The following PTAR1 variants were observed in gnomAD, a reference collection of about 807,000 sequenced individuals.
PTAR1 encodes the protein protein prenyltransferase alpha subunit repeat containing 1, also known as protein prenyltransferase alpha subunit repeat-containing protein 1.
Under a neutral mutation model 45.5 loss-of-function variants are expected in PTAR1, and 17 were observed. That is an observed-to-expected ratio of 0.37 (90% confidence interval 0.26 to 0.56). The LOEUF is 0.56. Ranked by LOEUF, PTAR1 falls within the 20% of genes least tolerant of loss-of-function variation. PTAR1 has a pLI of 0.77. For synonymous variants in PTAR1, 169 were observed against 171.3 expected (o/e 0.99, Z 0.11); for missense variants, 391 against 476.3 (o/e 0.82, Z 1.67).
At chr9:69,754,569 C>A (rs994749201) in intron 1 of PTAR1, among the ~76,000 whole-genome samples, 2 of 99,492 alleles carry the variant, frequency 2.0e-5, no homozygotes, top group South Asian at 3.4e-4. Context: ...GAGACAGGAT[C>A]TTGCTCTGTC....
intron 3 of PTAR1, among the ~76,000 whole-genome samples, chr9:69,738,493 T>C (rs551534017): frequency 5.6e-4 from 86 of 152,332 alleles, no homozygotes; most frequent in Admixed American, 1.6e-3. Context: ...ATTCATTCAT[T>C]TCAGTGGGCT....
chr9:69,740,831 A>G (rs1826013678), intron 3 of PTAR1, among the ~76,000 whole-genome samples: 1 of 152,216 alleles, frequency 6.6e-6, no homozygotes, highest in Admixed American at 6.5e-5. Context: ...ATGATTTAAA[A>G]TGTTCTAACA....
At chr9:69,738,901 A>G (rs2134130181) in intron 3 of PTAR1, among the ~76,000 whole-genome samples, 1 of 148,150 alleles carries the variant, frequency 6.7e-6, no homozygotes, top group South Asian at 2.1e-4. Context: ...TCCGCCTCCC[A>G]GGTTCAAGCG....
At chr9:69,752,285 T>C (rs1826567249) in intron 1 of PTAR1, among the ~76,000 whole-genome samples, 1 of 152,078 alleles carries the variant, frequency 6.6e-6, no homozygotes, top group Admixed American at 6.6e-5. Context: ...AGAAACACCC[T>C]GTCTTTTTGT....
chr9:69,721,329 T>C (rs932802587), intron 6 of PTAR1, among the ~76,000 whole-genome samples: 2 of 152,136 alleles, frequency 1.3e-5, no homozygotes, highest in Non-Finnish European at 2.9e-5. Flanking sequence ...GGCGTGAAGA[T>C]GTGACTGAAT....
chr9:69,741,979 C>G (rs771812645), intron 2 of PTAR1, 121 bp from the exon 3 acceptor site: 7 of 638,486 alleles, frequency 1.1e-5, no homozygotes, highest in South Asian at 5.9e-5. Flanking sequence ...TCATGTCATA[C>G]TAACTTTAAT....
In PTAR1 at chr9:69,710,410, A is replaced by G. The variant is rs1824481585; in HGVS notation, c.*7932T>C. 6.6e-6 allele frequency: 1 copy of G among 152,132 alleles called. No homozygotes were observed. 9.4% of individuals were successfully genotyped at this position (152,132 alleles called of 1,614,324 possible). ...TTTAATATGGCTACTAGAAAATTAA[A>G]AATTATGTTGTGGTTCACATTATAT... On this transcript the variant is annotated 3_prime_UTR_variant, in exon 8 of 8. Coordinates refer to ENST00000340434, the MANE Select transcript of PTAR1 (RefSeq NM_001099666.2).
At position 69,718,691 on chromosome 9, in the gene PTAR1, T is replaced by C. The variant is rs375428307; in HGVS notation, c.948-7A>G. The C allele has an allele frequency of 2.6e-6, 4 of 1,544,890 alleles. No individual in the cohort carries two copies. Among genetic ancestry groups the C allele is most frequent in the Non-Finnish European group, 2.6e-6 (3 of 1,144,302 alleles). ...AAGGTAGAAAATATGCCGCCTGCGA[T>C]AGAGAGGGGAAGGAAGAGAATAAAG... On this transcript the variant is annotated splice_region_variant and splice_polypyrimidine_tract_variant and intron_variant, in intron 6 of 7. Coordinates refer to ENST00000340434, the MANE Select transcript of PTAR1 (RefSeq NM_001099666.2).
rs891030526 is a variant in PTAR1 at position 69,712,004 on chromosome 9, C to T, written c.*6338G>A. On this transcript the variant is annotated 3_prime_UTR_variant, in exon 8 of 8. Transcript: ENST00000340434. The stretch of plus-strand genomic sequence containing the variant: ...TCTTTAACTAATAAGAAAAAAATAC[C>T]TGCTCCAAATGCAAGATGATATTTG... 2.0e-5 allele frequency: 3 copies of T among 152,028 alleles called. No individual in the cohort carries two copies. Among genetic ancestry groups the T allele is most frequent in the Admixed American group, 2.0e-4 (3 of 15,234 alleles). The allele number at this position is 152,028 out of a possible 1,614,324, so 9.4% of individuals were successfully genotyped here.
intron 5 of PTAR1, among the ~76,000 whole-genome samples, chr9:69,725,488 G>C (rs989400950): frequency 2.0e-5 from 3 of 151,994 alleles, no homozygotes; most frequent in Non-Finnish European, 2.9e-5. Flanking sequence ...TACTTGGGAG[G>C]CTGAGGCAGG....
At chr9:69,734,371 A>T (rs1205245412) in intron 3 of PTAR1, 117 bp from the exon 4 acceptor site, 2 of 513,384 alleles carry the variant, frequency 3.9e-6, no homozygotes, top group Non-Finnish European at 6.5e-6. Context: ...AAGAATTTTA[A>T]AACAAAAAAA....
chr9:69,722,139 G>C (rs1825039011), intron 6 of PTAR1, among the ~76,000 whole-genome samples: 1 of 152,118 alleles, frequency 6.6e-6, no homozygotes, highest in African/African-American at 2.4e-5. Flanking sequence ...CAGCTGACCA[G>C]GTCTCCTCAA....
intron 3 of PTAR1, among the ~76,000 whole-genome samples, chr9:69,740,071 T>TCAGC (rs1437946411): frequency 6.6e-6 from 1 of 152,184 alleles, no homozygotes; most frequent in Non-Finnish European, 1.5e-5. Context: ...ATACTCAAAG[T>TCAGC]CAGCCGCTAG....
At chr9:69,736,639 T>C (rs531148273) in intron 3 of PTAR1, among the ~76,000 whole-genome samples, 3 of 152,358 alleles carry the variant, frequency 2.0e-5, no homozygotes, top group East Asian at 3.9e-4. Flanking sequence ...TATTTATAAC[T>C]GTCTACCTTT....
At chr9:69,755,779 G>C (rs1003030977) in intron 1 of PTAR1, among the ~76,000 whole-genome samples, 12 of 152,032 alleles carry the variant, frequency 7.9e-5, no homozygotes, top group African/African-American at 2.9e-4. Context: ...AACCTTATAG[G>C]CTTTCTCATT....
chr9:69,718,916 G>A (rs1330883572), intron 6 of PTAR1, among the ~76,000 whole-genome samples: 1 of 152,170 alleles, frequency 6.6e-6, no homozygotes, highest in Admixed American at 6.5e-5. Context: ...AAAGAATACA[G>A]TCCTAAGGTT....
rs1432817094 is a variant in PTAR1 at position 69,712,659 on chromosome 9, A to C, written c.*5683T>G. ...TGAACATATATGAGGTCTACACATAAAACAAAGGGAAACTGAAGTCTTTGG... is the reference window on the plus strand; with the variant it reads ...TGAACATATATGAGGTCTACACATACAACAAAGGGAAACTGAAGTCTTTGG... On this transcript the variant is annotated 3_prime_UTR_variant, in exon 8 of 8. Coordinates refer to ENST00000340434, the MANE Select transcript of PTAR1 (RefSeq NM_001099666.2). The C allele has an allele frequency of 1.3e-5, 2 of 152,178 alleles. No individual in the cohort carries two copies. Among genetic ancestry groups the C allele is most frequent in the African/African-American group, 4.8e-5 (2 of 41,456 alleles). 9.4% of individuals were successfully genotyped at this position (152,178 alleles called of 1,614,324 possible).
At chr9:69,736,963 T>C (rs1156502728) in intron 3 of PTAR1, among the ~76,000 whole-genome samples, 2 of 152,212 alleles carry the variant, frequency 1.3e-5, no homozygotes, top group Non-Finnish European at 2.9e-5. Flanking sequence ...TAATAAACAT[T>C]GCTAGGGGTA....
intron 1 of PTAR1, among the ~76,000 whole-genome samples, chr9:69,751,402 T>C (rs1588485422): frequency 1.3e-5 from 2 of 151,864 alleles, no homozygotes; most frequent in East Asian, 3.9e-4. Context: ...TAGATCTGCA[T>C]ATGCTGACAT....
Sources: gnomAD v4.1 joint callset for allele counts (sites outside exome capture counted in the v4.1 genomes callset) on GRCh38, gnomAD v4.1.1 for gene constraint, MANE v1.5 for transcripts, NCBI Gene and HGNC (gene_info 2026-07-23, HGNC 2026-07-21) for gene names.